KMT5B: variants seen among roughly 807,000 people sequenced by gnomAD.
The protein encoded by KMT5B is histone-lysine N-methyltransferase KMT5B.
Under a neutral mutation model 83.2 loss-of-function variants are expected in KMT5B, and 10 were observed. That is an observed-to-expected ratio of 0.12 (90% CI 0.07 to 0.20). The LOEUF is 0.20. Ranked by LOEUF, KMT5B falls within the 10% of genes least tolerant of loss-of-function variation. KMT5B has a pLI of 1.00. For synonymous variants in KMT5B, 349 were observed against 388.8 expected, an observed-to-expected ratio of 0.90 and a Z score of 1.20; for missense variants, 753 against 1,067.2, an observed-to-expected ratio of 0.71 and a Z score of 4.10.
At chr11:68,172,846 GC>G (rs1320994829) in intron 6 of KMT5B, among the ~76,000 whole-genome samples, 3 of 152,074 alleles carry the variant, frequency 2.0e-5, no homozygotes. Context: ...CAGAGGCCTG[GC>G]AATAAAGTTC....
rs1856234922 is a variant in KMT5B at position 68,175,194 on chromosome 11, T to G, written c.378-11A>C. Reference sequence around the variant, plus strand: ...TTAATAGGCCTAAATCTGAAAGAAATCAAAAGAATGAATGGGTTATCTGCC... The same window carrying G: ...TTAATAGGCCTAAATCTGAAAGAAAGCAAAAGAATGAATGGGTTATCTGCC... On this transcript the variant is annotated splice_polypyrimidine_tract_variant and intron_variant, in intron 4 of 10. Transcript: ENST00000304363. The G allele has an allele frequency of 1.2e-6, 2 of 1,606,278 alleles. No individual in the cohort carries two copies. Among genetic ancestry groups the G allele is most frequent in the Non-Finnish European group, 1.7e-6 (2 of 1,174,242 alleles).
intron 1 of KMT5B, among the ~76,000 whole-genome samples, chr11:68,200,960 C>A (rs1247765257): frequency 6.6e-6 from 1 of 152,032 alleles, no homozygotes; most frequent in Non-Finnish European, 1.5e-5. Flanking sequence ...TGGATCAACA[C>A]ATGGGAAAAG....
At chr11:68,205,701 A>G (rs1266707316) in intron 1 of KMT5B, among the ~76,000 whole-genome samples, 1 of 151,242 alleles carries the variant, frequency 6.6e-6, no homozygotes, top group Non-Finnish European at 1.5e-5. Context: ...GCTCACTGCA[A>G]GCTCCACCTC....
rs758639921 is a variant in KMT5B, at chr11:68,157,887, T to C, written c.2459A>G (p.Gln820Arg). 34 of 1,613,830 alleles carry C rather than the reference T, an allele frequency of 2.1e-5. No individual in the cohort carries two copies. The highest frequency in any genetic ancestry group is 2.7e-5 in the Non-Finnish European group (32 of 1,179,842). ...ESRMEVDDYS[Q>R]YEEESTDDSS... ...ATCATCTGTACTTTCTTCCTCATAC[T>C]GACTATAGTCATCCACCTCCATTCG... is the stretch of plus-strand genomic sequence containing the variant. Residue 820 changes from glutamine (Q) to arginine (R), a missense_variant, in exon 11 of 11, where the codon CAG (glutamine) becomes CGG (arginine). Around this residue, in one of 9 missense-constraint regions of KMT5B, gnomAD observed 161 missense variants for 195.1 expected, o/e 0.83. Transcript: ENST00000304363.
chr11:68,202,546 CT>C lies in KMT5B; in HGVS notation c.-77+10591del, dbSNP rs71040602. On this transcript the variant is annotated intron_variant, in intron 1 of 10. Coordinates refer to ENST00000304363, the MANE Select transcript of KMT5B (RefSeq NM_017635.5). ...TGCCTTCCCTACTAGCTAAGACACA[CT>C]TTTTTTTTTTTTTTTTTTTGAGACA... 5.6e-3 allele frequency among the ~76,000 whole-genome samples: 686 copies of C among 121,938 alleles called. 1 individual carries two copies. The highest frequency in any genetic ancestry group is 0.02 in the African/African-American group (621 of 31,820). 80.0% of individuals were successfully genotyped at this position (121,938 alleles called of 152,430 possible).
intron 1 of KMT5B, among the ~76,000 whole-genome samples, chr11:68,202,064 C>T (rs1415630626): frequency 6.6e-6 from 1 of 152,138 alleles, no homozygotes; most frequent in Non-Finnish European, 1.5e-5. Context: ...AAGACTCTGT[C>T]TCAAAGAAAT....
intron 10 of KMT5B, among the ~76,000 whole-genome samples, chr11:68,164,171 T>C (rs1049492955): frequency 1.3e-5 from 2 of 152,230 alleles, no homozygotes; most frequent in African/African-American, 2.4e-5. Context: ...TACTTCTGGA[T>C]GCTAAAGCAA....
intron 1 of KMT5B, among the ~76,000 whole-genome samples, chr11:68,198,084 C>T (rs1370087525): frequency 6.6e-6 from 1 of 152,162 alleles, no homozygotes; most frequent in African/African-American, 2.4e-5. Flanking sequence ...AAAGCTAACA[C>T]AAGTCGATAC....
rs1160212362 is a variant in KMT5B, at chr11:68,171,121, C to A, written c.871G>T (p.Val291Leu). ...FVSTGRDTAC[V>L]KALRDIEPGE... is the part of the protein sequence containing the mutation. ...GGTTCAATGTCTCTTAGAGCCTTCA[C>A]ACATGCTGTATCTCGACCAGTTGAC... Residue 291 changes from valine to leucine, a missense_variant, in exon 9 of 11, where the codon GTG becomes TTG. Physicochemically the swap from Val to Leu is conservative, Grantham distance 32. Coordinates refer to ENST00000304363, the MANE Select transcript of KMT5B (RefSeq NM_017635.5). This position sits in a 1 kb window ranked among gnomAD's most constrained non-coding sequence, Gnocchi z 5.1. 1 of 1,610,954 alleles carries A rather than the reference C, an allele frequency of 6.2e-7. No homozygotes were observed.
Position 68,156,701 on chromosome 11 carries a change from GAC to G in KMT5B, c.*985_*986del. The G allele has an allele frequency of 6.6e-6, 1 of 152,616 alleles. No homozygotes were observed. Among genetic ancestry groups the G allele is most frequent in the Admixed American group, 6.5e-5 (1 of 15,286 alleles). 9.5% of individuals were successfully genotyped at this position (152,616 alleles called of 1,614,324 possible). The stretch of plus-strand genomic sequence containing the variant: ...TCAGTTCTTTACATTGAATCTCAAA[GAC>G]AAACTTTTTTTATAGGTTACCACAG... On this transcript the variant is annotated 3_prime_UTR_variant, in exon 11 of 11. Transcript: ENST00000304363.
chr11:68,172,396 A>ATTT (rs34325630), intron 6 of KMT5B, among the ~76,000 whole-genome samples: 3 of 142,604 alleles, frequency 2.1e-5, no homozygotes, highest in Non-Finnish European at 4.6e-5. Context: ...CACCTAGCTC[A>ATTT]TTTTTTTTTT....
chr11:68,160,226 A>C (rs1238863601), intron 10 of KMT5B, among the ~76,000 whole-genome samples: 1 of 152,236 alleles, frequency 6.6e-6, no homozygotes, highest in East Asian at 1.9e-4. Flanking sequence ...ATGGCTTCTC[A>C]AAAGGCTTCA....
At chr11:68,188,352 T>A (rs932254693) in intron 2 of KMT5B, among the ~76,000 whole-genome samples, 2 of 151,420 alleles carry the variant, frequency 1.3e-5, no homozygotes, top group African/African-American at 2.4e-5. Context: ...ACTCTTTTTT[T>A]TTTTCTTTAA....
intron 1 of KMT5B, among the ~76,000 whole-genome samples, chr11:68,195,357 T>C (rs1380975776): frequency 1.3e-5 from 2 of 152,166 alleles, no homozygotes; most frequent in South Asian, 2.1e-4. Flanking sequence ...ATCCAGAAAG[T>C]GAAGCTGATC....
At chr11:68,189,880 C>A (rs762698234) in intron 2 of KMT5B, 37 bp downstream of exon 2, 2 of 1,581,886 alleles carry the variant, frequency 1.3e-6, no homozygotes, top group South Asian at 2.3e-5. Flanking sequence ...TACCCCATAT[C>A]ACAATCAGAA....
At chr11:68,165,166 A>G (rs1369285011) in intron 10 of KMT5B, among the ~76,000 whole-genome samples, 2 of 152,156 alleles carry the variant, frequency 1.3e-5, no homozygotes, top group African/African-American at 4.8e-5. Context: ...GGCTGTCTCC[A>G]TATACAGATG....
At position 68,208,244 on chromosome 11, in the gene KMT5B, C is replaced by T. The variant is rs537890718; in HGVS notation, c.-77+4894G>A. On this transcript the variant is annotated intron_variant, in intron 1 of 10. Transcript: ENST00000304363. ...CGGGAGGGTCACGAGGTCAGGAGTTCAAGACCAGCCTGGCCAACATGGTGA... is the reference window on the plus strand; with the variant it reads ...CGGGAGGGTCACGAGGTCAGGAGTTTAAGACCAGCCTGGCCAACATGGTGA... 2.6e-3 allele frequency among the ~76,000 whole-genome samples: 387 copies of T among 151,410 alleles called. 1 individual carries two copies. Among genetic ancestry groups the T allele is most frequent in the African/African-American group, 9.1e-3 (375 of 41,284 alleles).
At chr11:68,213,001 C>CGGCCCCGGCCCCACCCGCCCT (rs1861151992) in intron 1 of KMT5B, 137 bp downstream of exon 1, 1 of 133,444 alleles carries the variant, frequency 7.5e-6, no homozygotes, top group African/African-American at 2.7e-5. Flanking sequence ...CGCTTGCGCC[C>CGGCCCCGGCCCCACCCGCCCT]GGCCCCGGCC....
intron 1 of KMT5B, among the ~76,000 whole-genome samples, chr11:68,202,513 G>GTAACACCTGCCT (rs1172792507): frequency 6.7e-6 from 1 of 149,672 alleles, no homozygotes; most frequent in Non-Finnish European, 1.5e-5. Flanking sequence ...TAATTATCTG[G>GTAACACCTGCCT]TAACACCTGC....
Sources: allele counts gnomAD v4.1 joint callset (sites outside exome capture counted in the v4.1 genomes callset), GRCh38; gene constraint gnomAD v4.1.1; regional missense constraint gnomAD v4.1.1; non-coding constraint Gnocchi (gnomAD v3.1); transcripts MANE v1.5; gene names NCBI Gene and HGNC (gene_info 2026-07-23, HGNC 2026-07-21).